The following ZNF32 variants were observed in gnomAD, a reference collection of about 807,000 sequenced individuals.
The protein encoded by ZNF32 is zinc finger protein 32.
In ZNF32, 13 loss-of-function variants were observed where a neutral mutation model predicts 24.4. That is an observed-to-expected ratio of 0.53 (90% CI 0.35 to 0.85). ZNF32 has a LOEUF of 0.85. Ranked by LOEUF, ZNF32 falls within the 40% of genes least tolerant of loss-of-function variation. The pLI, the probability that ZNF32 is intolerant of heterozygous loss-of-function variation, is 0.01. For synonymous variants in ZNF32, 115 were observed against 117.4 expected (o/e 0.98, Z 0.13); for missense variants, 239 against 325.3 (o/e 0.73, Z 2.04).
chr10:43,644,051 C>T lies in ZNF32; in HGVS notation c.821G>A (p.Ter274=), dbSNP rs1425473914. Residue 274 remains the stop codon, a stop_retained_variant, in exon 3 of 3, where the codon TGA becomes TAA. Coordinates refer to ENST00000374433, the MANE Select transcript of ZNF32 (RefSeq NM_006973.3). This position sits in a 1 kb window ranked among gnomAD's most constrained non-coding sequence, Gnocchi z 5.3. The part of the protein sequence containing the change: ...QRSCSQRLTL[*] ...GAGAACTTCTCTTCAGGAAAGTGGT[C>T]AAAGGGTGAGCCTCTGTGAGCAGCT... is the stretch of plus-strand genomic sequence containing the variant. The T allele has an allele frequency of 2.5e-6, 4 of 1,608,182 alleles. No individual in the cohort carries two copies. The South Asian group carries it at 4.4e-5, about 18-fold the overall frequency.
intron 1 of ZNF32, 32 bp from the exon 2 acceptor site, chr10:43,646,234 G>A: frequency 2.3e-6 from 3 of 1,309,182 alleles, no homozygotes; most frequent in Non-Finnish European, 3.2e-6. Flanking sequence ...AAACAAACAG[G>A]AAAGGGCAGA....
At chr10:43,645,974 C>T in intron 2 of ZNF32, 90 bp downstream of exon 2, 1 of 1,568,898 alleles carries the variant, frequency 6.4e-7, no homozygotes, top group Non-Finnish European at 8.7e-7. Flanking sequence ...AAGGTCTCCT[C>T]TGCTTCCTCA....
At chr10:43,645,966 G>T in intron 2 of ZNF32, 98 bp downstream of exon 2, 1 of 1,551,328 alleles carries the variant, frequency 6.4e-7, no homozygotes. Context: ...ACCAAAGCAA[G>T]GTCTCCTCTG....
chr10:43,645,866 A>C (rs756122973), intron 2 of ZNF32, 198 bp downstream of exon 2: 44 of 1,209,222 alleles, frequency 3.6e-5, no homozygotes, highest in Non-Finnish European at 4.1e-5. Context: ...CGCTACCTCC[A>C]TATCAAGATG....
rs746290159 is a variant in ZNF32, at chr10:43,646,086, A to G, written c.48T>C (p.Tyr16=). 3 of 1,614,202 alleles carry G rather than the reference A, an allele frequency of 1.9e-6. No homozygotes were observed. The highest frequency in any genetic ancestry group is 1.7e-6 in the Non-Finnish European group (2 of 1,180,024). ...CACTGAAGAACGCTACATTCTGGGCATATCTTCCATGACAGTCCAGCAGGG... is the reference window on the plus strand; with the variant it reads ...CACTGAAGAACGCTACATTCTGGGCGTATCTTCCATGACAGTCCAGCAGGG... The part of the protein sequence containing the change: ...TATLLDCHGR[Y]AQNVAFFNVM... Residue 16 remains tyrosine, a synonymous_variant, in exon 2 of 3, where the codon TAT becomes TAC. Transcript: ENST00000374433.
Position 43,646,339 on chromosome 10 carries a change from A to G in ZNF32, c.-69-137T>C, listed in dbSNP as rs1048789171. On this transcript the variant is annotated intron_variant, in intron 1 of 2. Transcript: ENST00000374433. ...GTTTGACATAATGTCAGTTACTAAA[A>G]TATCACTGCAAAATGGGCCCAAAGG... The G allele has an allele frequency of 5.3e-5, 31 of 582,126 alleles. 1 individual carries two copies. The East Asian group carries it at 9.7e-4, about 18-fold the overall frequency. The allele number at this position is 582,126 out of a possible 1,614,324, so 36.1% of individuals were successfully genotyped here.
intron 1 of ZNF32, 61 bp from the exon 2 acceptor site, chr10:43,646,263 G>T: frequency 4.0e-6 from 4 of 1,006,162 alleles, no homozygotes; most frequent in Middle Eastern, 4.3e-4. Flanking sequence ...TATGTGAGAA[G>T]GAAAAAGTCA....
chr10:43,644,215 A>G lies in ZNF32; in HGVS notation c.657T>C (p.Cys219=), dbSNP rs1359691217. ...TGTGGAAACTCTTCCTGCACTGGGTACAGGCATAGGGCTTCAGGCCTGTGT... is the reference window on the plus strand; with the variant it reads ...TGTGGAAACTCTTCCTGCACTGGGTGCAGGCATAGGGCTTCAGGCCTGTGT... ...RVHTGLKPYA[C]TQCRKSFHTR... Residue 219 remains cysteine, a synonymous_variant, in exon 3 of 3, where the codon TGT becomes TGC. Transcript: ENST00000374433. The surrounding 1 kb of genome is among the most constrained non-coding windows in gnomAD (Gnocchi z 5.3). The G allele has an allele frequency of 1.9e-6, 3 of 1,614,080 alleles. No homozygotes were observed. The highest frequency in any genetic ancestry group is 4.5e-5 in the East Asian group (2 of 44,888).
chr10:43,645,214 ATATAAGGCC>A (rs1839243282), intron 2 of ZNF32, among the ~76,000 whole-genome samples: 1 of 152,120 alleles, frequency 6.6e-6, no homozygotes, highest in Admixed American at 6.5e-5. Flanking sequence ...GATCCAGGCT[ATATAAGGCC>A]TAAAACTTTC....
intron 2 of ZNF32, chr10:43,645,800 A>T: frequency 2.1e-6 from 1 of 483,830 alleles, no homozygotes; most frequent in Non-Finnish European, 3.2e-6. Context: ...CCCTTGCCTT[A>T]TTCAGAGACA....
chr10:43,645,042 G>A, intron 2 of ZNF32: 1 of 394,390 alleles, frequency 2.5e-6, no homozygotes, highest in Non-Finnish European at 4.5e-6. Context: ...CCATAGCAGT[G>A]TACTGCCTCT....
At chr10:43,648,418 G>A (rs975247700) in intron 1 of ZNF32, among the ~76,000 whole-genome samples, 3 of 152,128 alleles carry the variant, frequency 2.0e-5, no homozygotes, top group Non-Finnish European at 4.4e-5. Flanking sequence ...CCGGAAGGCC[G>A]GCACCGGCTT....
Position 43,644,621 on chromosome 10 carries a change from T to C in ZNF32, c.251A>G (p.Lys84Arg), listed in dbSNP as rs1220272715. 6.2e-7 allele frequency: 1 copy of C among 1,614,070 alleles called. No individual in the cohort carries two copies. The highest frequency in any genetic ancestry group is 2.2e-5 in the East Asian group (1 of 44,870). ...QRVYECQECG[K>R]SFRQKGSLTL... ...TAGACTACCTTTTTGCCGGAAGGAT[T>C]TTCCACACTCCTGGCACTCATAGAC... The change falls in exon 3 of 3, where the codon AAA becomes AGA. Residue 84 changes from lysine (K) to arginine (R), a missense_variant. Coordinates refer to ENST00000374433, the MANE Select transcript of ZNF32 (RefSeq NM_006973.3). The surrounding 1 kb of genome is among the most constrained non-coding windows in gnomAD (Gnocchi z 5.3).
chr10:43,647,384 A>G (rs1295648717), intron 1 of ZNF32, among the ~76,000 whole-genome samples: 1 of 152,180 alleles, frequency 6.6e-6, no homozygotes, highest in Non-Finnish European at 1.5e-5. Context: ...CACATGATCT[A>G]TTTTTTAAAA....
At chr10:43,648,744 C>G (rs1839414161) in intron 1 of ZNF32, 58 bp downstream of exon 1, 1 of 152,170 alleles carries the variant, frequency 6.6e-6, no homozygotes, top group African/African-American at 2.4e-5. Context: ...GGACAGCGGT[C>G]TGATGGCGCA....
At position 43,644,286 on chromosome 10, in the gene ZNF32, T is replaced by C; in HGVS notation, c.586A>G (p.Lys196Glu). Residue 196 changes from lysine to glutamate, a missense_variant, in exon 3 of 3, where the codon AAA (lysine) becomes GAA (glutamate). Coordinates refer to ENST00000374433, the MANE Select transcript of ZNF32 (RefSeq NM_006973.3). The surrounding 1 kb of genome is among the most constrained non-coding windows in gnomAD (Gnocchi z 5.3). ...EKPYRCDQCG[K>E]AFSQKGSLIV... ...AAGCTTCCTTTCTGACTGAAGGCTTTTCCACACTGATCACATCTATAGGGC... is the reference window on the plus strand; with the variant it reads ...AAGCTTCCTTTCTGACTGAAGGCTTCTCCACACTGATCACATCTATAGGGC... 5.0e-6 allele frequency: 8 copies of C among 1,614,240 alleles called. No individual in the cohort carries two copies. The highest frequency in any genetic ancestry group is 5.9e-6 in the Non-Finnish European group (7 of 1,180,036).
At position 43,646,150 on chromosome 10, in the gene ZNF32, G is replaced by T; in HGVS notation, c.-17C>A. On this transcript the variant is annotated 5_prime_UTR_variant, in exon 2 of 3. Coordinates refer to ENST00000374433, the MANE Select transcript of ZNF32 (RefSeq NM_006973.3). ...TCCAAACATGTCCACTCCTGCTTAC[G>T]ACCTCAGTCACCACCTCTTCATATG... is the stretch of plus-strand genomic sequence containing the variant. 4 of 1,613,766 alleles carry T rather than the reference G, an allele frequency of 2.5e-6. No homozygotes were observed. The highest frequency in any genetic ancestry group is 3.4e-6 in the Non-Finnish European group (4 of 1,179,814).
intron 1 of ZNF32, chr10:43,647,842 T>C (rs942611645): frequency 1.3e-5 from 2 of 152,220 alleles, no homozygotes; most frequent in African/African-American, 4.8e-5. Flanking sequence ...TTCACAGCTC[T>C]GCCTCTCCAC....
rs755300405 is a variant in ZNF32, at chr10:43,644,739, C to T, written c.133G>A (p.Asp45Asn). 4 of 1,613,800 alleles carry T rather than the reference C, an allele frequency of 2.5e-6. No homozygotes were observed. The East Asian group carries it at 8.9e-5, about 36-fold the overall frequency. ...TCTCTTCTGAAAGAATTTTGGATATCCCAGCTTGAGGATCCTGTAGCCTCA... is the reference window on the plus strand; with the variant it reads ...TCTCTTCTGAAAGAATTTTGGATATTCCAGCTTGAGGATCCTGTAGCCTCA... The part of the protein sequence containing the change: ...HSEATGSSSW[D>N]IQNSFRREKL... Residue 45 changes from aspartate to asparagine, a missense_variant, in exon 3 of 3, where the codon GAT (aspartate) becomes AAT (asparagine). By Grantham distance (23) the Asp-to-Asn change is conservative. Transcript: ENST00000374433. This position sits in a 1 kb window ranked among gnomAD's most constrained non-coding sequence, Gnocchi z 5.3.
Sources: gnomAD v4.1 joint callset for allele counts (sites outside exome capture counted in the v4.1 genomes callset) on GRCh38, gnomAD v4.1.1 for gene constraint, Gnocchi (gnomAD v3.1) non-coding constraint, MANE v1.5 for transcripts, NCBI Gene and HGNC (gene_info 2026-07-23, HGNC 2026-07-21) for gene names.